Variants in RBFOX1 observed in about 807,000 individuals in gnomAD.
RBFOX1 encodes the protein RNA binding fox-1 homolog 1.
Under a neutral mutation model 57.7 loss-of-function variants are expected in RBFOX1, and 8 were observed. The observed-to-expected ratio is 0.14, with a 90% CI of 0.08 to 0.25. The LOEUF is 0.25. Among genes scored for constraint, RBFOX1 ranks in the 10% least tolerant of loss-of-function variants. RBFOX1 has a pLI of 1.00. For missense variants in RBFOX1, 611 were observed against 548.5 expected (o/e 1.11, Z -1.14); for synonymous variants, 326 against 222.4 (o/e 1.47, Z -4.15).
chr16:7,095,530 G>T (rs538840593), intron 4 of RBFOX1, among the ~76,000 whole-genome samples: 4 of 152,176 alleles, frequency 2.6e-5, no homozygotes, highest in Admixed American at 6.5e-5. Flanking sequence ...TTTTCCACTT[G>T]GTTGTTTCTT....
At chr16:5,707,924 G>A (rs1567426779) in intron 3 of RBFOX1, among the ~76,000 whole-genome samples, 1 of 152,066 alleles carries the variant, frequency 6.6e-6, no homozygotes, top group Non-Finnish European at 1.5e-5. Flanking sequence ...CTTTGAGGGT[G>A]GTATTTCTAA....
At chr16:5,265,627 A>G (rs575669334) in intron 1 of RBFOX1, among the ~76,000 whole-genome samples, 20 of 152,242 alleles carry the variant, frequency 1.3e-4, no homozygotes, top group Non-Finnish European at 2.9e-4. Flanking sequence ...TTTGAGATGC[A>G]GAAGTGTTTG....
At chr16:5,345,043 T>C (rs7198983) in intron 1 of RBFOX1, among the ~76,000 whole-genome samples, 19,370 of 152,236 alleles carry the variant, frequency 0.13, 3,186 homozygotes, top group African/African-American at 0.39. Context: ...AGTTCTTCTG[T>C]TCCCGTCCTC....
chr16:6,796,404 A>G (rs943696730), intron 3 of RBFOX1, among the ~76,000 whole-genome samples: 3 of 152,116 alleles, frequency 2.0e-5, no homozygotes, highest in African/African-American at 7.2e-5. Context: ...GAAATAGCAA[A>G]CTTGAGCCCG....
At position 6,084,687 on chromosome 16, in the gene RBFOX1, C is replaced by T. The variant is rs560023863; in HGVS notation, c.-127+64695C>T. Among the ~76,000 whole-genome samples, 9 of 152,224 alleles carry T rather than the reference C, an allele frequency of 5.9e-5. No individual in the cohort carries two copies. In the South Asian group the frequency reaches 8.3e-4, roughly 14 times the overall value. Reference sequence around the variant, plus strand: ...TCTCTCGTTTTCTATGATGCTCTATCGGGATTCCTTGGTTAGGAGATAAGG... The same window carrying T: ...TCTCTCGTTTTCTATGATGCTCTATTGGGATTCCTTGGTTAGGAGATAAGG... On this transcript the variant is annotated intron_variant, in intron 1 of 15. Transcript: ENST00000550418.
At chr16:5,920,581 A>T (rs1208808976) in intron 4 of RBFOX1, among the ~76,000 whole-genome samples, 1 of 152,170 alleles carries the variant, frequency 6.6e-6, no homozygotes, top group East Asian at 1.9e-4. Context: ...TCAAGAGCAC[A>T]GCCCAGGCAG....
chr16:7,340,076 AAATC>A (rs1268838481), intron 4 of RBFOX1, among the ~76,000 whole-genome samples: 1 of 152,224 alleles, frequency 6.6e-6, no homozygotes, highest in East Asian at 1.9e-4. Context: ...GCACATCTCC[AAATC>A]AATCATCTAA....
intron 4 of RBFOX1, among the ~76,000 whole-genome samples, chr16:7,263,505 T>G (rs2095004302): frequency 6.6e-6 from 1 of 152,082 alleles, no homozygotes; most frequent in Admixed American, 6.5e-5. Flanking sequence ...GGAGCCAGAG[T>G]ACCTACAGTA....
In RBFOX1 at chr16:6,219,812, G is replaced by A. The variant is rs189480554; in HGVS notation, c.-126-97183G>A. Among the ~76,000 whole-genome samples, 459 of 152,242 alleles carry A rather than the reference G, an allele frequency of 3.0e-3. 1 individual carries two copies. Among genetic ancestry groups the A allele is most frequent in the African/African-American group, 0.01 (418 of 41,536 alleles). On this transcript the variant is annotated intron_variant, in intron 1 of 15. Coordinates refer to ENST00000550418, the MANE Select transcript of RBFOX1 (RefSeq NM_018723.4). ...AATCACTTGAACCCAGAAGGCGGAG[G>A]TTGCAGTGAGCCGAGATTATGCTAT...
intron 1 of RBFOX1, among the ~76,000 whole-genome samples, chr16:6,248,137 G>T (rs2097579917): frequency 6.6e-6 from 1 of 152,150 alleles, no homozygotes; most frequent in South Asian, 2.1e-4. Flanking sequence ...TACCAGAAGA[G>T]GCTGACCTTA....
chr16:5,270,837 G>T (rs1263015712), intron 1 of RBFOX1: 2 of 428,850 alleles, frequency 4.7e-6, no homozygotes, highest in Non-Finnish European at 8.9e-6. Context: ...CCCTTGGTTT[G>T]AAAGGCATGG....
At chr16:7,411,772 G>A (rs564611823) in intron 4 of RBFOX1, among the ~76,000 whole-genome samples, 4 of 152,120 alleles carry the variant, frequency 2.6e-5, no homozygotes, top group South Asian at 2.1e-4. Context: ...GCGTGGTGGC[G>A]CATGCCTGTA....
At chr16:6,635,087 CAT>C (rs78884635) in intron 2 of RBFOX1, among the ~76,000 whole-genome samples, 81,443 of 135,852 alleles carry the variant, frequency 0.6, 24,473 homozygotes, top group Middle Eastern at 0.82. Context: ...ATTTATATAT[CAT>C]ATATATTATA....
intron 1 of RBFOX1, among the ~76,000 whole-genome samples, chr16:5,400,893 A>G (rs1462148836): frequency 6.6e-6 from 1 of 151,842 alleles, no homozygotes; most frequent in Non-Finnish European, 1.5e-5. Flanking sequence ...CTAATGTTCC[A>G]TTTTTGTTCA....
intron 4 of RBFOX1, among the ~76,000 whole-genome samples, chr16:7,103,978 C>G (rs1275121647): frequency 6.6e-6 from 1 of 152,120 alleles, no homozygotes; most frequent in East Asian, 1.9e-4. Flanking sequence ...ACACAACTTG[C>G]TCCCTATTAT....
At chr16:5,251,784 C>A (rs368158759) in intron 1 of RBFOX1, among the ~76,000 whole-genome samples, 1 of 151,816 alleles carries the variant, frequency 6.6e-6, no homozygotes, top group Admixed American at 6.6e-5. Flanking sequence ...CATGTGTCAA[C>A]ATTCCTCATG....
chr16:6,892,488 G>C (rs1214345994), intron 3 of RBFOX1, among the ~76,000 whole-genome samples: 1 of 152,024 alleles, frequency 6.6e-6, no homozygotes, highest in African/African-American at 2.4e-5. Flanking sequence ...TGGCCAACAC[G>C]GTGAAACCCT....
At chr16:6,908,785 T>C (rs2070769712) in intron 3 of RBFOX1, among the ~76,000 whole-genome samples, 1 of 152,128 alleles carries the variant, frequency 6.6e-6, no homozygotes, top group Admixed American at 6.5e-5. Context: ...GCTTACTGTC[T>C]CTCTGCCCAG....
At chr16:5,851,382 A>T (rs1018442601) in intron 3 of RBFOX1, among the ~76,000 whole-genome samples, 1 of 151,954 alleles carries the variant, frequency 6.6e-6, no homozygotes, top group African/African-American at 2.4e-5. Context: ...TTGTCTGAAG[A>T]CCTTTTCCCT....
Sources: gnomAD v4.1 joint callset for allele counts (sites outside exome capture counted in the v4.1 genomes callset) on GRCh38, gnomAD v4.1.1 for gene constraint, MANE v1.5 for transcripts, NCBI Gene and HGNC (gene_info 2026-07-23, HGNC 2026-07-21) for gene names.